Variants in CCDC88C observed in about 807,000 individuals in gnomAD.
CCDC88C encodes the protein protein Daple.
Under a neutral mutation model 198.8 loss-of-function variants are expected in CCDC88C, and 131 were observed. That is an observed-to-expected ratio of 0.66 (90% confidence interval 0.57 to 0.76). The LOEUF is 0.76. CCDC88C is among the 30% of genes least tolerant of loss of function. CCDC88C has a pLI of 0.00. For missense variants in CCDC88C, 2,553 were observed against 2,631.6 expected, an observed-to-expected ratio of 0.97 and a Z score of 0.65; for synonymous variants, 1,166 against 1,114.7, an observed-to-expected ratio of 1.05 and a Z score of -0.92.
chr14:91,388,936 G>A (rs1454013301), intron 3 of CCDC88C, among the ~76,000 whole-genome samples: 1 of 152,184 alleles, frequency 6.6e-6, no homozygotes, highest in Non-Finnish European at 1.5e-5. Flanking sequence ...GCAGGATGGT[G>A]CGTGAGTCTC....
In CCDC88C at chr14:91,291,004, G is replaced by A; in HGVS notation, c.4193C>T (p.Pro1398Leu). 6.3e-7 allele frequency: 1 copy of A among 1,574,864 alleles called. No individual in the cohort carries two copies. Residue 1398 changes from proline to leucine, a missense_variant, in exon 24 of 30, where the codon CCT becomes CTT. This residue lies in a region of CCDC88C where 1,293 missense variants were observed against 1,219.6 expected (regional missense o/e 1.06). Coordinates refer to ENST00000389857, the MANE Select transcript of CCDC88C (RefSeq NM_001080414.4). Reference sequence around the variant, plus strand: ...ACTTAAATCAACTCACTTCTTTGGAGGAGGATCATAGAACTTGTATTGATC... The same window carrying A: ...ACTTAAATCAACTCACTTCTTTGGAAGAGGATCATAGAACTTGTATTGATC... ...IMDQYKFYDP[P>L]PKKKNHWIGA...
At chr14:91,322,200 C>T (rs1265726171) in intron 12 of CCDC88C, among the ~76,000 whole-genome samples, 1 of 152,184 alleles carries the variant, frequency 6.6e-6, no homozygotes, top group Non-Finnish European at 1.5e-5. Flanking sequence ...ATTCCTCCCC[C>T]TACCTCTTCA....
intron 4 of CCDC88C, among the ~76,000 whole-genome samples, chr14:91,348,006 A>T (rs1324943281): frequency 6.6e-6 from 1 of 152,176 alleles, no homozygotes; most frequent in East Asian, 1.9e-4. Context: ...ATGCAGCCAT[A>T]AAAAATGGTG....
Position 91,273,166 on chromosome 14 carries a change from G to T in CCDC88C, c.5546C>A (p.Ala1849Glu). 1 of 1,580,002 alleles carries T rather than the reference G, an allele frequency of 6.3e-7. No homozygotes were observed. Among genetic ancestry groups the T allele is most frequent in the Non-Finnish European group, 8.6e-7 (1 of 1,163,248 alleles). ...GGCCAGGCTATGGGAGCTGGGGGGT[G>T]CGGGGCTTTGCAGGGTGTGGCTGCC... ...ETGSHTLQSP[A>E]PPSSHSLARE... The change falls in exon 30 of 30, where the codon GCA becomes GAA. Residue 1849 changes from alanine to glutamate, a missense_variant. By Grantham distance (107) the Ala-to-Glu change is moderately radical. Transcript: ENST00000389857. The surrounding 1 kb of genome is among the most constrained non-coding windows in gnomAD (Gnocchi z 5.6).
At chr14:91,326,200 A>C (rs751168831) in intron 10 of CCDC88C, 144 bp from the exon 11 acceptor site, 1 of 678,652 alleles carries the variant, frequency 1.5e-6, no homozygotes, top group Non-Finnish European at 2.4e-6. Flanking sequence ...TTTTTCCTCT[A>C]CTTTTTTTTT....
At chr14:91,300,523 C>T (rs557670075) in intron 20 of CCDC88C, among the ~76,000 whole-genome samples, 1 of 152,346 alleles carries the variant, frequency 6.6e-6, no homozygotes, top group East Asian at 1.9e-4. Context: ...CCTCCAAGGG[C>T]TGGAGAAGCC....
At chr14:91,306,827 T>C (rs998908742) in intron 18 of CCDC88C, among the ~76,000 whole-genome samples, 1 of 152,226 alleles carries the variant, frequency 6.6e-6, no homozygotes, top group Non-Finnish European at 1.5e-5. Flanking sequence ...TGAATTGCCA[T>C]GAAGGCTGTG....
At chr14:91,329,641 C>T (rs1892729196) in intron 10 of CCDC88C, among the ~76,000 whole-genome samples, 1 of 152,222 alleles carries the variant, frequency 6.6e-6, no homozygotes, top group Non-Finnish European at 1.5e-5. Flanking sequence ...ATCCCAGGTC[C>T]CCCTGCTTAG....
In CCDC88C at chr14:91,303,857, A is replaced by G; in HGVS notation, c.3479T>C (p.Leu1160Pro). 6.2e-7 allele frequency: 1 copy of G among 1,613,278 alleles called. No individual in the cohort carries two copies. Among genetic ancestry groups the G allele is most frequent in the Non-Finnish European group, 8.5e-7 (1 of 1,179,892 alleles). The change falls in exon 20 of 30, where the codon CTT becomes CCT. Residue 1160 changes from leucine to proline, a missense_variant. This residue lies in a region of CCDC88C where 1,293 missense variants were observed against 1,219.6 expected (regional missense o/e 1.06). Transcript: ENST00000389857. The part of the protein sequence containing the change: ...NESLQRQQEQ[L>P]TAAYEALLQD... ...CAGCAGGGCCTCGTAGGCCGCTGTAAGTTGCTCCTGCTGCCTCTGCAGGCT... is the reference window on the plus strand; with the variant it reads ...CAGCAGGGCCTCGTAGGCCGCTGTAGGTTGCTCCTGCTGCCTCTGCAGGCT...
At chr14:91,397,819 C>T (rs1415286180) in intron 3 of CCDC88C, among the ~76,000 whole-genome samples, 1 of 152,248 alleles carries the variant, frequency 6.6e-6, no homozygotes, top group African/African-American at 2.4e-5. Context: ...GGGTGCAGAT[C>T]CTGACTGGCC....
At chr14:91,320,952 C>T (rs541938085) in intron 13 of CCDC88C, among the ~76,000 whole-genome samples, 168 bp downstream of exon 13, 188 of 152,318 alleles carry the variant, frequency 1.2e-3, no homozygotes, top group African/African-American at 4.3e-3. Flanking sequence ...TCCTCACTCC[C>T]ATTCCTATTA....
intron 3 of CCDC88C, among the ~76,000 whole-genome samples, chr14:91,366,197 CACACAG>C (rs1245072993): frequency 7.0e-6 from 1 of 142,478 alleles, no homozygotes; most frequent in Non-Finnish European, 1.5e-5. Flanking sequence ...CACACACACA[CACACAG>C]GGCTGGGCAT....
intron 10 of CCDC88C, among the ~76,000 whole-genome samples, chr14:91,334,526 GC>G (rs1450632211): frequency 1.3e-5 from 2 of 152,188 alleles, no homozygotes; most frequent in Non-Finnish European, 2.9e-5. Context: ...GAGATTATAG[GC>G]ATGGGCCACC....
intron 3 of CCDC88C, among the ~76,000 whole-genome samples, chr14:91,366,912 G>A (rs545369402): frequency 3.5e-4 from 54 of 152,300 alleles, no homozygotes; most frequent in African/African-American, 1.2e-3. Context: ...CACTGTGCCT[G>A]CTCCAACAAA....
intron 4 of CCDC88C, among the ~76,000 whole-genome samples, chr14:91,349,466 A>C (rs1018481358): frequency 3.3e-5 from 5 of 152,222 alleles, no homozygotes; most frequent in Admixed American, 3.3e-4. Context: ...TGCTGTTCAG[A>C]GGGAGAAACG....
intron 6 of CCDC88C, chr14:91,342,016 G>A (rs76847287): frequency 0.057 from 11,261 of 198,354 alleles, 384 homozygotes; most frequent in Middle Eastern, 0.08. Flanking sequence ...GTTCAAAGCA[G>A]GGTGACATTT....
At position 91,310,089 on chromosome 14, in the gene CCDC88C, C is replaced by T. The variant is rs114814995; in HGVS notation, c.2737-103G>A. 3.6e-4 allele frequency: 448 copies of T among 1,251,806 alleles called. 4 individuals carry two copies. In the African/African-American group the frequency reaches 5.6e-3, roughly 16 times the overall value. The allele number at this position is 1,251,806 out of a possible 1,614,324, so 77.5% of individuals were successfully genotyped here. On this transcript the variant is annotated intron_variant, in intron 15 of 29. Coordinates refer to ENST00000389857, the MANE Select transcript of CCDC88C (RefSeq NM_001080414.4). ...TGTGAGCAACTGTCCTCCCGGGCCA[C>T]GGCTGCCTCCGTGTGGAGCGAGGGG...
chr14:91,397,015 AAAAG>A (rs1043285814), intron 3 of CCDC88C, among the ~76,000 whole-genome samples: 8 of 152,320 alleles, frequency 5.3e-5, no homozygotes, highest in African/African-American at 1.9e-4. Flanking sequence ...CACCAAAAAA[AAAAG>A]AAAGAAAGAA....
In CCDC88C at chr14:91,371,678, T is replaced by C. The variant is rs928720326; in HGVS notation, c.271-11967A>G. On this transcript the variant is annotated intron_variant, in intron 3 of 29. Coordinates refer to ENST00000389857, the MANE Select transcript of CCDC88C (RefSeq NM_001080414.4). This position sits in a 1 kb window ranked among gnomAD's most constrained non-coding sequence, Gnocchi z 4.2. Reference sequence around the variant, plus strand: ...CCCTAGCTCAGCAGAAGCAAGGCCTTCCTCGTCCCAGCAAGTAGCTGGGCT... The same window carrying C: ...CCCTAGCTCAGCAGAAGCAAGGCCTCCCTCGTCCCAGCAAGTAGCTGGGCT... Among the ~76,000 whole-genome samples the C allele has an allele frequency of 2.0e-5, 3 of 152,080 alleles. No individual in the cohort carries two copies. The highest frequency in any genetic ancestry group is 7.2e-5 in the African/African-American group (3 of 41,404).
Sources: allele counts gnomAD v4.1 joint callset (sites outside exome capture counted in the v4.1 genomes callset), GRCh38; gene constraint gnomAD v4.1.1; regional missense constraint gnomAD v4.1.1; non-coding constraint Gnocchi (gnomAD v3.1); transcripts MANE v1.5; gene names NCBI Gene and HGNC (gene_info 2026-07-23, HGNC 2026-07-21).